Variants in IRAK1BP1 observed in about 807,000 individuals in gnomAD.
IRAK1BP1 encodes interleukin-1 receptor-associated kinase 1-binding protein 1.
Under a neutral mutation model 28.0 loss-of-function variants are expected in IRAK1BP1, and 24 were observed. The observed-to-expected ratio is 0.86, with a 90% CI of 0.62 to 1.20. The LOEUF (loss-of-function observed/expected upper bound fraction) is 1.20. Among genes scored for constraint, IRAK1BP1 ranks in the 50% most tolerant of loss-of-function variants. IRAK1BP1 has a pLI of 0.00. For synonymous variants in IRAK1BP1, 131 were observed against 116.3 expected, an observed-to-expected ratio of 1.13 and a Z score of -0.81; for missense variants, 336 against 316.7, an observed-to-expected ratio of 1.06 and a Z score of -0.46.
the IRAK1BP1 span, among the ~76,000 whole-genome samples, chr6:78,965,290 A>G: frequency 6.6e-6 from 1 of 152,122 alleles, no homozygotes; most frequent in East Asian, 1.9e-4. Context: ...GCTTTATGGA[A>G]CTTGCCAAGA....
chr6:78,868,719 G>T (rs1770683313), intron 1 of IRAK1BP1, among the ~76,000 whole-genome samples: 1 of 152,196 alleles, frequency 6.6e-6, no homozygotes, highest in African/African-American at 2.4e-5. Context: ...TTTAGGTAGA[G>T]CAATATTTGA....
rs755760222 is a variant in IRAK1BP1 at position 78,867,638 on chromosome 6, G to A, written c.62G>A (p.Arg21Gln). 2 of 1,614,204 alleles carry A rather than the reference G, an allele frequency of 1.2e-6. No homozygotes were observed. The highest frequency in any genetic ancestry group is 1.6e-4 in the Middle Eastern group (1 of 6,062). The change falls in exon 1 of 4, where the codon CGG (arginine) becomes CAG (glutamine). Residue 21 changes from arginine to glutamine, a missense_variant. Coordinates refer to ENST00000369940, the MANE Select transcript of IRAK1BP1 (RefSeq NM_001010844.4). ...VFVELVPWAD[R>Q]SRENNLASGR... Reference sequence around the variant, plus strand: ...GTGGAACTGGTTCCCTGGGCTGACCGGAGCCGGGAGAACAACCTGGCCTCA... The same window carrying A: ...GTGGAACTGGTTCCCTGGGCTGACCAGAGCCGGGAGAACAACCTGGCCTCA...
the IRAK1BP1 span, chr6:78,963,209 A>G: frequency 1.2e-6 from 2 of 1,609,262 alleles, no homozygotes; most frequent in Non-Finnish European, 1.7e-6. Flanking sequence ...TGCACTCACC[A>G]TCAGTTAAAG....
In IRAK1BP1 at chr6:78,899,997, A is replaced by C. The variant is rs2127656025; in HGVS notation, c.*1663A>C. 1 of 152,332 alleles carries C rather than the reference A, an allele frequency of 6.6e-6. No individual in the cohort carries two copies. Among genetic ancestry groups the C allele is most frequent in the East Asian group, 1.9e-4 (1 of 5,186 alleles). The allele number at this position is 152,332 out of a possible 1,614,324, so 9.4% of individuals were successfully genotyped here. On this transcript the variant is annotated 3_prime_UTR_variant, in exon 4 of 4. Transcript: ENST00000369940. ...TTTCCTAAAATGTACAGTTGAAAAA[A>C]AGAGATTCACATACCCAGGTTGTTC...
At chr6:78,941,380 T>C (rs764001911) in intron 4 of IRAK1BP1, 2 of 1,420,794 alleles carry the variant, frequency 1.4e-6, no homozygotes, top group Non-Finnish European at 1.9e-6. Flanking sequence ...TTTTTTTGTT[T>C]GACTCTCAAA....
chr6:78,979,380 C>T, the IRAK1BP1 span, among the ~76,000 whole-genome samples: 11 of 152,028 alleles, frequency 7.2e-5, no homozygotes, highest in Non-Finnish European at 1.5e-4. Context: ...TTTCAAAATG[C>T]TATCAATTTT....
intron 4 of IRAK1BP1, among the ~76,000 whole-genome samples, chr6:78,935,224 T>A (rs1254653872): frequency 6.6e-6 from 1 of 152,152 alleles, no homozygotes; most frequent in African/African-American, 2.4e-5. Flanking sequence ...CCTTCCTTCC[T>A]CAACTTAGAA....
chr6:78,973,059 C>T, the IRAK1BP1 span, among the ~76,000 whole-genome samples: 1 of 152,024 alleles, frequency 6.6e-6, no homozygotes, highest in Non-Finnish European at 1.5e-5. Flanking sequence ...AAGAGCAACT[C>T]CAAGACACAT....
chr6:78,894,900 G>A (rs1259177278), intron 2 of IRAK1BP1, among the ~76,000 whole-genome samples: 1 of 152,088 alleles, frequency 6.6e-6, no homozygotes, highest in Admixed American at 6.6e-5. Context: ...CCTGAGGTCA[G>A]GAGTTCAAGA....
At chr6:78,907,457 GAAAATA>G (rs1772289452), downstream of IRAK1BP1, among the ~76,000 whole-genome samples, 1 of 152,134 alleles carries the variant, frequency 6.6e-6, no homozygotes, top group South Asian at 2.1e-4. Context: ...TATTTGTGAT[GAAAATA>G]AAGAGGAAGC....
chr6:78,975,561 T>C, the IRAK1BP1 span, among the ~76,000 whole-genome samples: 119 of 152,182 alleles, frequency 7.8e-4, 1 homozygote, highest in Admixed American at 2.4e-3. Context: ...GGGTATTCAA[T>C]TAGGAAAAGA....
chr6:78,871,996 T>C (rs773328706), intron 1 of IRAK1BP1: 1 of 585,076 alleles, frequency 1.7e-6, no homozygotes. Flanking sequence ...GGGGCCAGAG[T>C]GTAATGCCAG....
chr6:78,900,980 G>A lies in IRAK1BP1; in HGVS notation c.*2646G>A, dbSNP rs139740557. 2 of 152,004 alleles carry A rather than the reference G, an allele frequency of 1.3e-5. No individual in the cohort carries two copies. The highest frequency in any genetic ancestry group is 3.9e-4 in the East Asian group (2 of 5,176). The allele number at this position is 152,004 out of a possible 1,614,324, so 9.4% of individuals were successfully genotyped here. A position where few individuals can be genotyped will look rare whatever the true frequency, so the allele number is the denominator to read the frequency against. On this transcript the variant is annotated 3_prime_UTR_variant, in exon 4 of 4. Transcript: ENST00000369940. ...TCAGAAAACCAATGTAACATATGTT[G>A]AATTTTTATTACCAAAAAGAAGTTA...
At chr6:78,925,090 G>A (rs1384869393) in intron 4 of IRAK1BP1, among the ~76,000 whole-genome samples, 2 of 151,514 alleles carry the variant, frequency 1.3e-5, no homozygotes, top group East Asian at 1.9e-4. Flanking sequence ...AAACACGCAC[G>A]TTCTCACTCA....
In IRAK1BP1 at chr6:78,901,500, T is replaced by A. The variant is rs537954657; in HGVS notation, c.*3166T>A. ...AATAAACCTATCCTAAACTTAATCC[T>A]GTTAGAATTTCCTTCTTTTGAACTC... On this transcript the variant is annotated 3_prime_UTR_variant, in exon 4 of 4. Coordinates refer to ENST00000369940, the MANE Select transcript of IRAK1BP1 (RefSeq NM_001010844.4). 1 of 152,060 alleles carries A rather than the reference T, an allele frequency of 6.6e-6. No homozygotes were observed. Among genetic ancestry groups the A allele is most frequent in the East Asian group, 1.9e-4 (1 of 5,174 alleles). The allele number at this position is 152,060 out of a possible 1,614,324, so 9.4% of individuals were successfully genotyped here.
Position 78,921,405 on chromosome 6 carries a change from A to C in IRAK1BP1, c.*67+18295A>C, listed in dbSNP as rs144428279. On this transcript the variant is annotated intron_variant and NMD_transcript_variant, in intron 4 of 4. Transcript: ENST00000606868. Reference sequence around the variant, plus strand: ...GGCGCCCATCATTGCCAAGGCTTCAATAGGTAAACAAAGCAACCGGGAAGC... The same window carrying C: ...GGCGCCCATCATTGCCAAGGCTTCACTAGGTAAACAAAGCAACCGGGAAGC... Among the ~76,000 whole-genome samples, 9 of 152,336 alleles carry C rather than the reference A, an allele frequency of 5.9e-5. No individual in the cohort carries two copies. The East Asian group carries it at 1.7e-3, about 29-fold the overall frequency.
chr6:78,947,809 T>C (rs1327196417), downstream of IRAK1BP1: 1 of 1,492,964 alleles, frequency 6.7e-7, no homozygotes, highest in Non-Finnish European at 9.3e-7. Context: ...GTTATGATTA[T>C]TACTACACAA....
chr6:78,933,356 G>A (rs985210912), intron 4 of IRAK1BP1, among the ~76,000 whole-genome samples: 7 of 152,272 alleles, frequency 4.6e-5, no homozygotes, highest in African/African-American at 9.6e-5. Context: ...GATGGCTCAC[G>A]CCTGTAATCC....
At position 78,910,772 on chromosome 6, in the gene IRAK1BP1, C is replaced by A. The variant is rs184423913; in HGVS notation, c.*67+7662C>A. ...CGCTTCTCGCCGGCTGGGACTGCCC[C>A]AGACACGCACACCCTCCCGACCTCC... On this transcript the variant is annotated intron_variant and NMD_transcript_variant, in intron 4 of 4. Transcript: ENST00000606868. Among the ~76,000 whole-genome samples, 523 of 152,364 alleles carry A rather than the reference C, an allele frequency of 3.4e-3. 3 individuals are homozygous for A. The highest frequency in any genetic ancestry group is 0.012 in the African/African-American group (491 of 41,588).
Sources: gnomAD v4.1 joint callset for allele counts (sites outside exome capture counted in the v4.1 genomes callset) on GRCh38, gnomAD v4.1.1 for gene constraint, MANE v1.5 for transcripts, NCBI Gene and HGNC (gene_info 2026-07-23, HGNC 2026-07-21) for gene names.